Variants in CEP126 observed in about 807,000 individuals in gnomAD.
CEP126 encodes the protein centrosomal protein 126, also known as centrosomal protein of 126 kDa.
A neutral mutation model predicts 107.8 loss-of-function variants in CEP126; 74 were observed. The observed-to-expected ratio is 0.69, with a 90% CI of 0.57 to 0.83. CEP126 has a LOEUF of 0.83. Among genes scored for constraint, CEP126 ranks in the 40% least tolerant of loss-of-function variants. The pLI, the probability that CEP126 is intolerant of heterozygous loss-of-function variation, is 0.00. For missense variants in CEP126, 1,237 were observed against 1,281.9 expected (o/e 0.96, Z 0.53); for synonymous variants, 449 against 446.0 (o/e 1.01, Z -0.08).
chr11:101,997,427 T>C (rs1591299208), intron 10 of CEP126, among the ~76,000 whole-genome samples, 172 bp from the exon 11 acceptor site: 2 of 152,192 alleles, frequency 1.3e-5, no homozygotes, highest in South Asian at 2.1e-4. Flanking sequence ...ATGAACATAA[T>C]GTAAGGGTTG....
chr11:101,937,047 G>A (rs1940591176), intron 2 of CEP126, among the ~76,000 whole-genome samples: 1 of 152,150 alleles, frequency 6.6e-6, no homozygotes, highest in Non-Finnish European at 1.5e-5. Flanking sequence ...TTGGGAATGA[G>A]ACTCAAGTCT....
At chr11:101,975,194 A>G (rs1157896572) in intron 6 of CEP126, among the ~76,000 whole-genome samples, 2 of 152,222 alleles carry the variant, frequency 1.3e-5, no homozygotes, top group Non-Finnish European at 1.5e-5. Flanking sequence ...GGAAATAAGC[A>G]TAATACAGTG....
intron 4 of CEP126, among the ~76,000 whole-genome samples, chr11:101,957,897 A>T (rs1565359578): frequency 6.6e-6 from 1 of 152,142 alleles, no homozygotes; most frequent in Admixed American, 6.5e-5. Context: ...TTATAGAGGG[A>T]TAGGTTATAA....
At chr11:101,979,331 T>C (rs1941229210) in intron 7 of CEP126, among the ~76,000 whole-genome samples, 1 of 152,144 alleles carries the variant, frequency 6.6e-6, no homozygotes, top group East Asian at 1.9e-4. Context: ...GGACCTTTCA[T>C]AGGGAACTTT....
intron 10 of CEP126, among the ~76,000 whole-genome samples, chr11:101,995,193 C>T (rs1378715309): frequency 1.3e-5 from 2 of 152,024 alleles, no homozygotes; most frequent in Admixed American, 6.6e-5. Flanking sequence ...TAAAAATGAT[C>T]TGGAACAGCA....
rs545012874 is a variant in CEP126 at position 101,933,461 on chromosome 11, T to G, written c.248+10701T>G. ...CCAGTTCTTCCACTTAATAGTTATG[T>G]GGCCTTGCACAAGTTACTGAACCTT... is the stretch of plus-strand genomic sequence containing the variant. On this transcript the variant is annotated intron_variant, in intron 2 of 10. Coordinates refer to ENST00000263468, the MANE Select transcript of CEP126 (RefSeq NM_020802.4). 2.6e-5 allele frequency among the ~76,000 whole-genome samples: 4 copies of G among 152,310 alleles called. No homozygotes were observed. The East Asian group carries it at 7.7e-4, about 29-fold the overall frequency.
Position 101,915,210 on chromosome 11 carries a change from C to CAGGAGG in CEP126, c.-67_-62dup. 1 of 1,588,236 alleles carries CAGGAGG rather than the reference C, an allele frequency of 6.3e-7. No homozygotes were observed. Among genetic ancestry groups the CAGGAGG allele is most frequent in the Non-Finnish European group, 8.6e-7 (1 of 1,165,754 alleles). On this transcript the variant is annotated 5_prime_UTR_variant, in exon 1 of 11. Coordinates refer to ENST00000263468, the MANE Select transcript of CEP126 (RefSeq NM_020802.4). Reference sequence around the variant, plus strand: ...AGACGGAGTGTAGGGAGGGGCCGAGCAGGAGGAGGAGGAAGCCGGAGCTGC... The same window carrying CAGGAGG: ...AGACGGAGTGTAGGGAGGGGCCGAGCAGGAGGAGGAGGAGGAGGAAGCCGGAGCTGC...
chr11:101,961,288 G>T (rs1226962270), intron 5 of CEP126, among the ~76,000 whole-genome samples: 1 of 151,960 alleles, frequency 6.6e-6, no homozygotes, highest in African/African-American at 2.4e-5. Flanking sequence ...AAAAGATGTA[G>T]CCCCTACTAA....
chr11:101,970,487 GT>G (rs1565364806), intron 6 of CEP126, among the ~76,000 whole-genome samples: 1 of 151,640 alleles, frequency 6.6e-6, no homozygotes, highest in Non-Finnish European at 1.5e-5. Flanking sequence ...TGAAATCTGG[GT>G]TTGGGTATAT....
At chr11:101,933,821 C>A (rs796417609) in intron 2 of CEP126, among the ~76,000 whole-genome samples, 1 of 149,728 alleles carries the variant, frequency 6.7e-6, no homozygotes, top group Non-Finnish European at 1.5e-5. Flanking sequence ...GAGACCCCCC[C>A]CCCACCAAAA....
chr11:101,967,305 C>T (rs1263367032), intron 6 of CEP126, among the ~76,000 whole-genome samples: 2 of 152,118 alleles, frequency 1.3e-5, no homozygotes, highest in Non-Finnish European at 2.9e-5. Context: ...CATGAGCCAC[C>T]GTGCCTGGCC....
chr11:101,924,328 T>A (rs1338214706), intron 2 of CEP126, among the ~76,000 whole-genome samples: 29 of 152,354 alleles, frequency 1.9e-4, no homozygotes, highest in African/African-American at 7.0e-4. Flanking sequence ...GATTATGGTC[T>A]TCTTAACCAT....
intron 2 of CEP126, among the ~76,000 whole-genome samples, 185 bp from the exon 3 acceptor site, chr11:101,944,080 C>A (rs1321699851): frequency 6.6e-6 from 1 of 152,034 alleles, no homozygotes; most frequent in Non-Finnish European, 1.5e-5. Context: ...GGATACAGTT[C>A]TGAAATTACC....
chr11:101,993,484 G>A (rs369039983), intron 10 of CEP126, among the ~76,000 whole-genome samples: 17 of 152,046 alleles, frequency 1.1e-4, no homozygotes, highest in Admixed American at 4.6e-4. Context: ...GGTTGATTCC[G>A]TGTCTTTGTG....
chr11:101,963,715 G>T lies in CEP126; in HGVS notation c.2680G>T (p.Gly894Cys). The stretch of plus-strand genomic sequence containing the variant: ...TTTCGCAAAAATAAATCATTCAAAT[G>T]GCACTCAAGCAGTTGCCCGGCAAGA... The part of the protein sequence containing the change: ...QTFAKINHSN[G>C]TQAVARQDAT... The change falls in exon 6 of 11, where the codon GGC becomes TGC. Residue 894 changes from glycine (G) to cysteine (C), a missense_variant. By Grantham distance (159) the Gly-to-Cys change is radical. Around this residue, in one of 3 missense-constraint regions of CEP126, gnomAD observed 1,134 missense variants for 1,150.5 expected, o/e 0.99. Coordinates refer to ENST00000263468, the MANE Select transcript of CEP126 (RefSeq NM_020802.4). The T allele has an allele frequency of 6.2e-7, 1 of 1,614,016 alleles. No homozygotes were observed. The highest frequency in any genetic ancestry group is 1.1e-5 in the South Asian group (1 of 91,066).
At chr11:101,987,476 G>T (rs955174173) in intron 9 of CEP126, among the ~76,000 whole-genome samples, 2 of 152,132 alleles carry the variant, frequency 1.3e-5, no homozygotes, top group African/African-American at 4.8e-5. Flanking sequence ...CTCTTGTCCT[G>T]AGGATATTTA....
chr11:101,990,726 G>A (rs1189177069), intron 9 of CEP126, among the ~76,000 whole-genome samples: 1 of 151,720 alleles, frequency 6.6e-6, no homozygotes, highest in Admixed American at 6.6e-5. Context: ...CTGAGAGACA[G>A]GCAAGAGCAT....
At position 101,962,877 on chromosome 11, in the gene CEP126, A is replaced by G. The variant is rs887274477; in HGVS notation, c.1842A>G (p.Glu614=). 8.7e-6 allele frequency: 14 copies of G among 1,609,676 alleles called. No homozygotes were observed. The highest frequency in any genetic ancestry group is 2.2e-5 in the South Asian group (2 of 89,506). ...CAGCAGCTATCAGAGATAGTATTGAATTAACAAAGGAAAAAGGTGCAGAAA... is the reference window on the plus strand; with the variant it reads ...CAGCAGCTATCAGAGATAGTATTGAGTTAACAAAGGAAAAAGGTGCAGAAA... ...QKAAAIRDSI[E]LTKEKGAEIP... The change falls in exon 6 of 11, where the codon GAA becomes GAG. Residue 614 remains glutamate, a synonymous_variant. Transcript: ENST00000263468.
At chr11:101,969,543 A>G (rs912327173) in intron 6 of CEP126, among the ~76,000 whole-genome samples, 3 of 152,246 alleles carry the variant, frequency 2.0e-5, no homozygotes, top group African/African-American at 7.2e-5. Context: ...TATTAAAAAG[A>G]AGGCAATTCT....
Sources: gnomAD v4.1 joint callset for allele counts (sites outside exome capture counted in the v4.1 genomes callset) on GRCh38, gnomAD v4.1.1 for gene constraint, gnomAD v4.1.1 regional missense constraint, MANE v1.5 for transcripts, NCBI Gene and HGNC (gene_info 2026-07-23, HGNC 2026-07-21) for gene names.